The following ZNF727 variants were observed in gnomAD, a reference collection of about 807,000 sequenced individuals.
The protein encoded by ZNF727 is zinc finger protein 727.
A neutral mutation model predicts 11.5 loss-of-function variants in ZNF727; 11 were observed. That is an observed-to-expected ratio of 0.95 (90% CI 0.60 to 1.58). The LOEUF (loss-of-function observed/expected upper bound fraction) is 1.58. Ranked by LOEUF, ZNF727 falls within the 40% of genes most tolerant of loss-of-function variation. ZNF727 has a pLI of 0.00. For synonymous variants in ZNF727, 171 were observed against 196.1 expected (o/e 0.87, Z 1.07); for missense variants, 533 against 581.7 (o/e 0.92, Z 0.86).
At chr7:64,069,321 A>G (rs1181074870) in intron 2 of ZNF727, among the ~76,000 whole-genome samples, 193 bp from the exon 3 acceptor site, 1 of 152,076 alleles carries the variant, frequency 6.6e-6, no homozygotes, top group African/African-American at 2.4e-5. Context: ...TTGATGCAAT[A>G]TTACTGGGTA....
At chr7:64,068,383 T>G (rs557646924) in intron 1 of ZNF727, among the ~76,000 whole-genome samples, 3 of 152,214 alleles carry the variant, frequency 2.0e-5, no homozygotes, top group South Asian at 4.1e-4. Context: ...CTGTGCCACT[T>G]ACTGAATTTT....
intron 3 of ZNF727, among the ~76,000 whole-genome samples, chr7:64,075,301 T>G (rs1182270224): frequency 1.3e-5 from 2 of 152,150 alleles, no homozygotes; most frequent in Non-Finnish European, 2.9e-5. Context: ...TGTGCAAAAA[T>G]AGTAGCTATA....
chr7:64,069,372 G>A, intron 2 of ZNF727, 142 bp from the exon 3 acceptor site: 1 of 771,196 alleles, frequency 1.3e-6, no homozygotes, highest in East Asian at 2.8e-5. Context: ...TAAATATTCT[G>A]AAGTTTCTGT....
chr7:64,077,957 A>G lies in ZNF727; in HGVS notation c.908A>G (p.Lys303Arg). Residue 303 changes from lysine to arginine, a missense_variant, in exon 4 of 4, where the codon AAG becomes AGG. Physicochemically the swap from Lys to Arg is conservative, Grantham distance 26. Coordinates refer to ENST00000456806, the MANE Select transcript of ZNF727 (RefSeq NM_001159522.3). ...FRCCSDLTKHKRIHTGEKPYK... is the reference protein window; with the variant it reads ...FRCCSDLTKHRRIHTGEKPYK... ...TGTTGCTCAGACCTTACTAAACATA[A>G]GAGAATTCATACTGGAGAGAAACCC... is the stretch of plus-strand genomic sequence containing the variant. 6.3e-7 allele frequency: 1 copy of G among 1,593,208 alleles called. No homozygotes were observed. Among genetic ancestry groups the G allele is most frequent in the Non-Finnish European group, 8.6e-7 (1 of 1,169,230 alleles).
chr7:64,063,887 G>A (rs762397314), intron 1 of ZNF727, among the ~76,000 whole-genome samples: 72 of 152,140 alleles, frequency 4.7e-4, no homozygotes, highest in Admixed American at 1.8e-3. Flanking sequence ...AGCGTAAGAA[G>A]CCATTCCCCA....
rs777918107 is a variant in ZNF727, at chr7:64,078,394, G to A, written c.1345G>A (p.Glu449Lys). ...TAATCATAAGAGAATTCACACTGGA[G>A]AGAAGCCCTACAAATGTGAAGAATG... ...LTNHKRIHTG[E>K]KPYKCEECGK... The change falls in exon 4 of 4, where the codon GAG becomes AAG. Residue 449 changes from glutamate to lysine, a missense_variant. Transcript: ENST00000456806. The A allele has an allele frequency of 5.0e-6, 8 of 1,592,996 alleles. No homozygotes were observed. Among genetic ancestry groups the A allele is most frequent in the Middle Eastern group, 1.7e-4 (1 of 6,056 alleles).
At position 64,080,351 on chromosome 7, in the gene ZNF727, T is replaced by C. The variant is rs576775559; in HGVS notation, c.*1802T>C. 5.4e-4 allele frequency among the ~76,000 whole-genome samples: 82 copies of C among 152,328 alleles called. No homozygotes were observed. Among genetic ancestry groups the C allele is most frequent in the African/African-American group, 1.8e-3 (76 of 41,576 alleles). On this transcript the variant is annotated 3_prime_UTR_variant, in exon 4 of 4. Transcript: ENST00000456806. ...TTCTTGGAGGTTTTGTTCATTCCTC[T>C]TTATACTTTTTTCACTATTCTTGTC...
Position 64,081,787 on chromosome 7 carries a change from TGG to T in ZNF727, c.*3240_*3241del, listed in dbSNP as rs1785796919. 6.6e-6 allele frequency among the ~76,000 whole-genome samples: 1 copy of T among 152,110 alleles called. No homozygotes were observed. Among genetic ancestry groups the T allele is most frequent in the African/African-American group, 2.4e-5 (1 of 41,430 alleles). On this transcript the variant is annotated 3_prime_UTR_variant, in exon 4 of 4. Transcript: ENST00000456806. ...GTTCCCCTAGGGCTAAAGTCTCTTA[TGG>T]GAGAAAGTTGAGCCTATGGAAATGG...
chr7:64,076,503 G>A (rs1333668837), intron 3 of ZNF727, among the ~76,000 whole-genome samples: 1 of 152,078 alleles, frequency 6.6e-6, no homozygotes, highest in Admixed American at 6.6e-5. Flanking sequence ...TACTCCGGAG[G>A]CTGAGGCAGG....
chr7:64,073,081 AT>A (rs1236940337), intron 3 of ZNF727, among the ~76,000 whole-genome samples: 1 of 151,744 alleles, frequency 6.6e-6, no homozygotes, highest in Non-Finnish European at 1.5e-5. Context: ...TTTTTTTCTT[AT>A]TTTTTAAAGT....
At chr7:64,061,100 A>G (rs1482114950) in intron 1 of ZNF727, among the ~76,000 whole-genome samples, 1 of 152,186 alleles carries the variant, frequency 6.6e-6, no homozygotes, top group African/African-American at 2.4e-5. Context: ...CATATGGTCT[A>G]TCCTTGAGAA....
chr7:64,073,326 C>T (rs2116321215), intron 3 of ZNF727, among the ~76,000 whole-genome samples: 1 of 148,952 alleles, frequency 6.7e-6, no homozygotes, highest in South Asian at 2.1e-4. Flanking sequence ...TTTTTCATGA[C>T]TCAATATTTA....
At chr7:64,056,671 A>G (rs1446735890) in intron 1 of ZNF727, among the ~76,000 whole-genome samples, 3 of 152,192 alleles carry the variant, frequency 2.0e-5, no homozygotes, top group Non-Finnish European at 4.4e-5. Flanking sequence ...AATAGATTAG[A>G]TAATAGTTTA....
rs1469838961 is a variant in ZNF727 at position 64,080,830 on chromosome 7, A to G, written c.*2281A>G. 1.3e-5 allele frequency among the ~76,000 whole-genome samples: 2 copies of G among 151,484 alleles called. No homozygotes were observed. The highest frequency in any genetic ancestry group is 4.9e-5 in the African/African-American group (2 of 41,194). ...GGTCTTGAGTATTTGATTGTGGTAA[A>G]AGGTGGATTCAGCCAACAGGCTTTG... is the stretch of plus-strand genomic sequence containing the variant. On this transcript the variant is annotated 3_prime_UTR_variant, in exon 4 of 4. Coordinates refer to ENST00000456806, the MANE Select transcript of ZNF727 (RefSeq NM_001159522.3).
intron 3 of ZNF727, among the ~76,000 whole-genome samples, chr7:64,074,481 T>C (rs1584155303): frequency 6.6e-6 from 1 of 152,160 alleles, no homozygotes; most frequent in South Asian, 2.1e-4. Flanking sequence ...ACCACTATGT[T>C]AAGCTGTTTT....
intron 1 of ZNF727, among the ~76,000 whole-genome samples, chr7:64,066,591 C>T (rs1789873126): frequency 6.6e-6 from 1 of 152,176 alleles, no homozygotes; most frequent in Non-Finnish European, 1.5e-5. Flanking sequence ...GGAAAACTGT[C>T]TCGCCATATG....
At position 64,077,594 on chromosome 7, in the gene ZNF727, G is replaced by A. The variant is rs1487808648; in HGVS notation, c.545G>A (p.Cys182Tyr). Residue 182 changes from cysteine to tyrosine, a missense_variant, in exon 4 of 4, where the codon TGT becomes TAT. Physicochemically the swap from Cys to Tyr is radical, Grantham distance 194 (BLOSUM62 -2). Around this residue, in one of 3 missense-constraint regions of ZNF727, gnomAD observed 463 missense variants for 494.5 expected, o/e 0.94. Transcript: ENST00000456806. ...AAATGTGAAGAATGTGGCAAAGACT[G>A]TAGGTTGTCAGATTTTACCATACAG... ...CYKCEECGKD[C>Y]RLSDFTIQKR... 1.9e-6 allele frequency: 3 copies of A among 1,551,318 alleles called. No individual in the cohort carries two copies. Among genetic ancestry groups the A allele is most frequent in the Admixed American group, 3.9e-5 (2 of 50,970 alleles).
At chr7:64,071,215 A>G (rs1167634879) in intron 3 of ZNF727, among the ~76,000 whole-genome samples, 1 of 152,082 alleles carries the variant, frequency 6.6e-6, no homozygotes. Flanking sequence ...TCTCTAAGAA[A>G]TTACACATCA....
At chr7:64,062,927 T>C (rs1304485729) in intron 1 of ZNF727, among the ~76,000 whole-genome samples, 1 of 151,572 alleles carries the variant, frequency 6.6e-6, no homozygotes, top group Admixed American at 6.6e-5. Context: ...GTCATTTGAA[T>C]TTTCAGCACC....
Sources: gnomAD v4.1 joint callset for allele counts (sites outside exome capture counted in the v4.1 genomes callset) on GRCh38, gnomAD v4.1.1 for gene constraint, gnomAD v4.1.1 regional missense constraint, MANE v1.5 for transcripts, NCBI Gene and HGNC (gene_info 2026-07-23, HGNC 2026-07-21) for gene names.